REV3L: variants seen among roughly 807,000 people sequenced by gnomAD.
The protein encoded by REV3L is REV3 like, DNA directed polymerase zeta catalytic subunit.
Under a neutral mutation model 299.4 loss-of-function variants are expected in REV3L, and 69 were observed. That is an observed-to-expected ratio of 0.23 (90% confidence interval 0.19 to 0.28). REV3L has a LOEUF of 0.28. Ranked by LOEUF, REV3L falls within the 10% of genes least tolerant of loss-of-function variation. The pLI, the probability that REV3L is intolerant of heterozygous loss-of-function variation, is 1.00. For missense variants in REV3L, 3,128 were observed against 3,693.8 expected, an observed-to-expected ratio of 0.85 and a Z score of 3.97; for synonymous variants, 1,238 against 1,271.4, an observed-to-expected ratio of 0.97 and a Z score of 0.56.
At position 111,373,459 on chromosome 6, in the gene REV3L, A is replaced by C. The variant is rs745555148; in HGVS notation, c.4896T>G (p.Cys1632Trp). 22 of 1,613,748 alleles carry C rather than the reference A, an allele frequency of 1.4e-5. No individual in the cohort carries two copies. Among genetic ancestry groups the C allele is most frequent in the Non-Finnish European group, 1.9e-5 (22 of 1,179,936 alleles). ...GAGATAAACTATCTTCAAGTGAGTA[A>C]CAACTTTCAAAGCCTGGATCTGAAA... ...IFFSDPGFESCYSLEDSLSPE... is the reference protein window; with the variant it reads ...IFFSDPGFESWYSLEDSLSPE... Residue 1632 changes from cysteine (C) to tryptophan (W), a missense_variant, in exon 13 of 32, where the codon TGT becomes TGG. Coordinates refer to ENST00000368802, the MANE Select transcript of REV3L (RefSeq NM_001372078.1).
At chr6:111,315,445 GT>G in intron 26 of REV3L, 64 bp from the exon 27 acceptor site, 1 of 1,275,260 alleles carries the variant, frequency 7.8e-7, no homozygotes, top group Non-Finnish European at 1.1e-6. Flanking sequence ...TTTATCAAGA[GT>G]AACTTTCCTG....
intron 1 of REV3L, among the ~76,000 whole-genome samples, chr6:111,441,257 T>C (rs1023511505): frequency 2.6e-5 from 4 of 152,128 alleles, no homozygotes; most frequent in African/African-American, 7.2e-5. Flanking sequence ...GTTGTTGTCG[T>C]CATTGTTGTT....
intron 21 of REV3L, among the ~76,000 whole-genome samples, chr6:111,340,137 C>G (rs1339964428): frequency 6.6e-6 from 1 of 152,088 alleles, no homozygotes; most frequent in Admixed American, 6.5e-5. Flanking sequence ...GTACAAAATT[C>G]ACTTATTCTG....
rs1780276365 is a variant in REV3L, at chr6:111,376,103, C to T, written c.2252G>A (p.Gly751Glu). The change falls in exon 13 of 32, where the codon GGG becomes GAG. Residue 751 changes from glycine to glutamate, a missense_variant. Physicochemically the swap from Gly to Glu is moderately conservative, Grantham distance 98. Transcript: ENST00000368802. ...AGAATGCACCATAGTTCTATTCTCC[C>T]CTGAGCATGACAGTAATTCACAATT... ...TENCELLSCS[G>E]ENRTMVHSLN... The T allele has an allele frequency of 6.2e-7, 1 of 1,613,440 alleles. No individual in the cohort carries two copies. The highest frequency in any genetic ancestry group is 8.5e-7 in the Non-Finnish European group (1 of 1,179,936).
chr6:111,363,678 G>A (rs1396953747), intron 16 of REV3L, among the ~76,000 whole-genome samples, 175 bp downstream of exon 16: 1 of 152,106 alleles, frequency 6.6e-6, no homozygotes, highest in Non-Finnish European at 1.5e-5. Context: ...TTAAGTTTAT[G>A]TATTGTACAT....
chr6:111,375,301 T>C lies in REV3L; in HGVS notation c.3054A>G (p.Ala1018=), dbSNP rs372884961. The change falls in exon 13 of 32, where the codon GCA becomes GCG. Residue 1018 remains alanine, a synonymous_variant. Transcript: ENST00000368802. ...EEKMELYKKL[A]PLKDFWPKVP... ...CTTTTGGCCAAAAGTCCTTCAAAGGTGCAAGCTTTTTATATAGTTCCATTT... is the reference window on the plus strand; with the variant it reads ...CTTTTGGCCAAAAGTCCTTCAAAGGCGCAAGCTTTTTATATAGTTCCATTT... The C allele has an allele frequency of 5.7e-6, 9 of 1,591,796 alleles. No homozygotes were observed. Among genetic ancestry groups the C allele is most frequent in the African/African-American group, 1.4e-5 (1 of 73,150 alleles).
intron 24 of REV3L, chr6:111,330,954 A>G: frequency 1.0e-6 from 1 of 983,204 alleles, no homozygotes; most frequent in Non-Finnish European, 1.2e-6. Flanking sequence ...GTAGAGAATG[A>G]TGCCACTTTT....
At chr6:111,439,876 G>A (rs906621130) in intron 1 of REV3L, among the ~76,000 whole-genome samples, 3 of 152,142 alleles carry the variant, frequency 2.0e-5, no homozygotes, top group South Asian at 2.1e-4. Flanking sequence ...ATGCCTGACC[G>A]CCAACCAGCG....
rs79655234 is a variant in REV3L at position 111,363,576 on chromosome 6, C to G, written c.6879+277G>C. ...CATCCCACCTCCACCTCCCAAAAAT[C>G]TTTTCTTATTTTAATGTCCATAAGC... On this transcript the variant is annotated intron_variant, in intron 16 of 31. Transcript: ENST00000368802. Among the ~76,000 whole-genome samples the G allele has an allele frequency of 1.6e-3, 239 of 152,016 alleles. 3 individuals are homozygous for G. Among genetic ancestry groups the G allele is most frequent in the African/African-American group, 5.2e-3 (215 of 41,336 alleles).
chr6:111,456,252 T>C (rs878892668), intron 1 of REV3L, among the ~76,000 whole-genome samples: 1 of 152,198 alleles, frequency 6.6e-6, no homozygotes, highest in Admixed American at 6.5e-5. Context: ...CTTGTTTCTG[T>C]TCTACAACTG....
At chr6:111,430,232 C>A in intron 1 of REV3L, 8 of 845,510 alleles carry the variant, frequency 9.5e-6, no homozygotes, top group Non-Finnish European at 1.5e-5. Flanking sequence ...AGATACCCCA[C>A]CCCTTCAAGA....
chr6:111,394,598 A>G (rs1318109111), intron 4 of REV3L, among the ~76,000 whole-genome samples: 3 of 152,086 alleles, frequency 2.0e-5, no homozygotes, highest in Admixed American at 2.0e-4. Context: ...TGCTGTGCAG[A>G]AGCTTTTACA....
intron 11 of REV3L, 81 bp from the exon 12 acceptor site, chr6:111,377,924 TCTATAATAATGTATCTAAGTTAA>T (rs1446101577): frequency 9.0e-6 from 10 of 1,110,838 alleles, no homozygotes; most frequent in East Asian, 5.1e-5. Flanking sequence ...CTAAGTTAAC[TCTATAATAATGTATCTAAGTTAA>T]CTATAATAAT....
At chr6:111,430,061 G>C (rs1434584593) in intron 1 of REV3L, among the ~76,000 whole-genome samples, 1 of 152,146 alleles carries the variant, frequency 6.6e-6, no homozygotes, top group Non-Finnish European at 1.5e-5. Flanking sequence ...AAGAAAAGGG[G>C]AGAAAACAGA....
intron 10 of REV3L, among the ~76,000 whole-genome samples, 165 bp from the exon 11 acceptor site, chr6:111,380,384 C>T (rs774353152): frequency 5.3e-5 from 8 of 152,020 alleles, no homozygotes; most frequent in Non-Finnish European, 1.0e-4. Context: ...CTCAGCCTCC[C>T]GAGTAGCTGG....
At position 111,375,861 on chromosome 6, in the gene REV3L, A is replaced by G. The variant is rs779645315; in HGVS notation, c.2494T>C (p.Leu832=). The G allele has an allele frequency of 1.5e-5, 24 of 1,613,692 alleles. No individual in the cohort carries two copies. Among genetic ancestry groups the G allele is most frequent in the South Asian group, 3.3e-5 (3 of 91,058 alleles). ...QPGNKPSRLK[L]NKRKLAGHQE... is the part of the protein sequence containing the mutation. ...TGACCTGCAAGTTTCCTTTTATTCA[A>G]TTTTAACCGGGATGGTTTATTGCCA... Residue 832 remains leucine, a synonymous_variant, in exon 13 of 32, where the codon TTG becomes CTG. Transcript: ENST00000368802.
intron 1 of REV3L, chr6:111,431,105 T>A: frequency 6.6e-7 from 1 of 1,508,124 alleles, no homozygotes; most frequent in Non-Finnish European, 9.2e-7. Context: ...GATTCTGATT[T>A]AATCTATTCA....
chr6:111,325,984 A>AT (rs1274539269), intron 25 of REV3L, among the ~76,000 whole-genome samples: 3 of 150,274 alleles, frequency 2.0e-5, no homozygotes, highest in South Asian at 2.2e-4. Flanking sequence ...GAGTTCCTTT[A>AT]TTTTTTTTAG....
At position 111,311,079 on chromosome 6, in the gene REV3L, C is replaced by G; in HGVS notation, c.8785G>C (p.Glu2929Gln). Residue 2929 changes from glutamate (E) to glutamine (Q), a missense_variant, in exon 29 of 32, where the codon GAA becomes CAA. Around this residue, in one of 9 missense-constraint regions of REV3L, gnomAD observed 294 missense variants for 377.0 expected, o/e 0.78. Transcript: ENST00000368802. The stretch of plus-strand genomic sequence containing the variant: ...TGAGGGTATCATTACCTTGTAAGTT[C>G]AAGGGCTGGCACACAAGCTCCTGGT... ...YKPGACVPAL[E>Q]LTRKMLTYDR... The G allele has an allele frequency of 6.2e-7, 1 of 1,612,606 alleles. No homozygotes were observed. Among genetic ancestry groups the G allele is most frequent in the Non-Finnish European group, 8.5e-7 (1 of 1,179,342 alleles).
Sources: gnomAD v4.1 joint callset for allele counts (sites outside exome capture counted in the v4.1 genomes callset) on GRCh38, gnomAD v4.1.1 for gene constraint, gnomAD v4.1.1 regional missense constraint, MANE v1.5 for transcripts, NCBI Gene and HGNC (gene_info 2026-07-23, HGNC 2026-07-21) for gene names.